Variants in ITPK1 observed in about 807,000 individuals in gnomAD.
ITPK1 encodes the protein inositol-tetrakisphosphate 1-kinase.
In ITPK1, 21 loss-of-function variants were observed where a neutral mutation model predicts 45.3. The ratio of observed to expected loss-of-function variants is 0.46; its 90% CI spans 0.33 to 0.67. ITPK1 has a LOEUF of 0.67. ITPK1 is among the 30% of genes least tolerant of loss of function. The pLI is 0.02. For missense variants in ITPK1, 474 were observed against 573.5 expected (o/e 0.83, Z 1.77); for synonymous variants, 258 against 253.6 (o/e 1.02, Z -0.16).
chr14:92,997,192 TAGA>T (rs995536119), intron 4 of ITPK1, among the ~76,000 whole-genome samples: 1 of 152,154 alleles, frequency 6.6e-6, no homozygotes, highest in Non-Finnish European at 1.5e-5. Context: ...CGAGGCCACT[TAGA>T]ACACAGATGT....
chr14:93,061,501 G>T (rs1371432080), intron 3 of ITPK1, among the ~76,000 whole-genome samples: 1 of 152,184 alleles, frequency 6.6e-6, no homozygotes, highest in African/African-American at 2.4e-5. Flanking sequence ...TCTGGGGCAG[G>T]AGTGAGAAAG....
At chr14:92,985,200 A>G (rs1886433500) in intron 5 of ITPK1, among the ~76,000 whole-genome samples, 2 of 152,204 alleles carry the variant, frequency 1.3e-5, no homozygotes, top group South Asian at 4.1e-4. Flanking sequence ...TCAAAACCTG[A>G]GGCTCCATCC....
intron 4 of ITPK1, among the ~76,000 whole-genome samples, chr14:92,999,220 C>T (rs950021950): frequency 6.6e-6 from 1 of 152,240 alleles, no homozygotes; most frequent in Non-Finnish European, 1.5e-5. Flanking sequence ...GGGACGGCTG[C>T]GCACAAGGCA....
intron 3 of ITPK1, among the ~76,000 whole-genome samples, chr14:93,055,522 G>A (rs1242983450): frequency 1.3e-5 from 2 of 152,112 alleles, no homozygotes; most frequent in African/African-American, 4.8e-5. Context: ...CGAAGGCAGA[G>A]GGATTTGGGG....
At chr14:93,049,357 G>A (rs1213424356) in intron 3 of ITPK1, among the ~76,000 whole-genome samples, 1 of 152,154 alleles carries the variant, frequency 6.6e-6, no homozygotes, top group African/African-American at 2.4e-5. Flanking sequence ...GGAGGTGAGG[G>A]GACAGAGGGG....
intron 5 of ITPK1, among the ~76,000 whole-genome samples, chr14:92,973,786 C>T (rs960113492): frequency 4.6e-5 from 7 of 152,158 alleles, no homozygotes; most frequent in Admixed American, 1.3e-4. Flanking sequence ...AGGAAGGGCC[C>T]GGGTGAGAGG....
intron 4 of ITPK1, among the ~76,000 whole-genome samples, chr14:93,010,209 G>A (rs560555010): frequency 1.2e-3 from 190 of 152,262 alleles, no homozygotes; most frequent in African/African-American, 4.5e-3. Context: ...TAGATTCTAC[G>A]GTGTTATTTA....
At chr14:93,083,540 G>A (rs1891527295) in intron 2 of ITPK1, among the ~76,000 whole-genome samples, 2 of 152,154 alleles carry the variant, frequency 1.3e-5, no homozygotes, top group Non-Finnish European at 2.9e-5. Flanking sequence ...GCACAGTTCA[G>A]TAACTACTGA....
At chr14:92,963,447 C>G (rs1885191832) in intron 5 of ITPK1, among the ~76,000 whole-genome samples, 1 of 152,210 alleles carries the variant, frequency 6.6e-6, no homozygotes, top group Non-Finnish European at 1.5e-5. Flanking sequence ...ACTGTTTCCA[C>G]ATGGACACTG....
intron 3 of ITPK1, among the ~76,000 whole-genome samples, chr14:93,019,198 G>C (rs930712272): frequency 1.3e-5 from 2 of 152,310 alleles, no homozygotes; most frequent in African/African-American, 2.4e-5. Context: ...CCACAGGAGC[G>C]ACGCATCCGG....
intron 5 of ITPK1, among the ~76,000 whole-genome samples, chr14:92,975,095 T>A (rs1378575661): frequency 6.6e-6 from 1 of 152,228 alleles, no homozygotes; most frequent in Non-Finnish European, 1.5e-5. Context: ...GTGTGACCTG[T>A]AAAGCCCAGC....
At position 92,938,422 on chromosome 14, in the gene ITPK1, GCTGT is replaced by G. The variant is rs1887211514; in HGVS notation, c.*3135_*3138del. Reference sequence around the variant, plus strand: ...GGCTGGCTCCCTTGGTCTTGGGGTGGCTGTCTGGCAGGCAACAGCTGCTTTGCTC... The same window carrying G: ...GGCTGGCTCCCTTGGTCTTGGGGTGGCTGGCAGGCAACAGCTGCTTTGCTC... On this transcript the variant is annotated 3_prime_UTR_variant, in exon 11 of 11. Transcript: ENST00000267615. 4 of 1,325,860 alleles carry G rather than the reference GCTGT, an allele frequency of 3.0e-6. No homozygotes were observed. In the Admixed American group the frequency reaches 6.7e-5, roughly 22 times the overall value. The allele number at this position is 1,325,860 out of a possible 1,614,324, so 82.1% of individuals were successfully genotyped here. A position where few individuals can be genotyped will look rare whatever the true frequency, so the allele number is the denominator to read the frequency against.
chr14:92,988,302 G>A (rs368135904), intron 5 of ITPK1, among the ~76,000 whole-genome samples: 19 of 152,194 alleles, frequency 1.2e-4, no homozygotes, highest in Non-Finnish European at 2.4e-4. Flanking sequence ...CGCTCTGCCC[G>A]ATCTGGGGTG....
chr14:92,987,936 C>A (rs575728085), intron 5 of ITPK1, among the ~76,000 whole-genome samples: 3 of 152,208 alleles, frequency 2.0e-5, no homozygotes, highest in Non-Finnish European at 4.4e-5. Context: ...CCGCCTCATG[C>A]CGGCAACGCA....
At chr14:92,946,217 C>T (rs1887678798) in intron 10 of ITPK1, 114 bp downstream of exon 10, 12 of 1,250,806 alleles carry the variant, frequency 9.6e-6, no homozygotes, top group Admixed American at 7.0e-5. Flanking sequence ...CCCCGGACCT[C>T]GTGGTGAGGG....
At chr14:92,967,105 T>C (rs1354523128) in intron 5 of ITPK1, among the ~76,000 whole-genome samples, 1 of 152,178 alleles carries the variant, frequency 6.6e-6, no homozygotes, top group African/African-American at 2.4e-5. Context: ...TCATCAAAAT[T>C]TAAAATGTTT....
chr14:92,959,594 G>C (rs979563041), intron 7 of ITPK1, among the ~76,000 whole-genome samples: 1 of 152,208 alleles, frequency 6.6e-6, no homozygotes, highest in African/African-American at 2.4e-5. Flanking sequence ...TGCCTGCTGA[G>C]CACTTGCTGT....
intron 5 of ITPK1, among the ~76,000 whole-genome samples, chr14:92,981,992 G>A (rs1296179533): frequency 5.3e-5 from 8 of 152,260 alleles, no homozygotes; most frequent in South Asian, 2.1e-4. Flanking sequence ...CCTGGGGTTC[G>A]GCTTGGCTGC....
chr14:93,084,563 G>A (rs966097871), intron 2 of ITPK1, among the ~76,000 whole-genome samples: 6 of 151,938 alleles, frequency 3.9e-5, no homozygotes, highest in South Asian at 2.1e-4. Context: ...ACCTATTTCC[G>A]CCAGCCTTTC....
Sources: gnomAD v4.1 joint callset for allele counts (sites outside exome capture counted in the v4.1 genomes callset) on GRCh38, gnomAD v4.1.1 for gene constraint, MANE v1.5 for transcripts, NCBI Gene and HGNC (gene_info 2026-07-23, HGNC 2026-07-21) for gene names.